Variants in CCDC148 observed in about 807,000 individuals in gnomAD.
CCDC148 encodes the protein coiled-coil domain-containing protein 148.
Under a neutral mutation model 85.7 loss-of-function variants are expected in CCDC148, and 89 were observed. That is an observed-to-expected ratio of 1.04 (90% CI 0.87 to 1.24). The LOEUF is 1.24. Among genes scored for constraint, CCDC148 ranks in the 50% most tolerant of loss-of-function variants. The pLI, the probability that CCDC148 is intolerant of heterozygous loss-of-function variation, is 0.00. For synonymous variants in CCDC148, 230 were observed against 213.9 expected (o/e 1.08, Z -0.66); for missense variants, 692 against 671.7 (o/e 1.03, Z -0.33).
At chr2:158,449,634 A>C (rs911629327) in intron 1 of CCDC148, among the ~76,000 whole-genome samples, 3 of 152,060 alleles carry the variant, frequency 2.0e-5, no homozygotes, top group African/African-American at 7.2e-5. Flanking sequence ...TTTTTAGTAG[A>C]GATGCCATTT....
rs1689331717 is a variant in CCDC148 at position 158,263,609 on chromosome 2, C to T, written c.1111-12697G>A. On this transcript the variant is annotated intron_variant, in intron 9 of 13. Coordinates refer to ENST00000283233, the MANE Select transcript of CCDC148 (RefSeq NM_138803.4). ...CCCTTTAAAAAGTTGAGACATCTTTCTGCTGAGCCTTAAGTTTAATTTTAA... is the reference window on the plus strand; with the variant it reads ...CCCTTTAAAAAGTTGAGACATCTTTTTGCTGAGCCTTAAGTTTAATTTTAA... Among the ~76,000 whole-genome samples, 3 of 152,128 alleles carry T rather than the reference C, an allele frequency of 2.0e-5. No individual in the cohort carries two copies. The South Asian group carries it at 6.2e-4, about 32-fold the overall frequency.
At chr2:158,342,753 G>A (rs1225042214) in intron 3 of CCDC148, among the ~76,000 whole-genome samples, 1 of 152,010 alleles carries the variant, frequency 6.6e-6, no homozygotes, top group Non-Finnish European at 1.5e-5. Flanking sequence ...GTTGCACTGA[G>A]TAGATTAATA....
At chr2:158,224,097 G>C (rs1224141375) in intron 10 of CCDC148, among the ~76,000 whole-genome samples, 2 of 152,156 alleles carry the variant, frequency 1.3e-5, no homozygotes, top group African/African-American at 4.8e-5. Context: ...TGGCTAACTA[G>C]AATAACCAAT....
intron 11 of CCDC148, among the ~76,000 whole-genome samples, chr2:158,208,269 G>C (rs1043662571): frequency 3.3e-5 from 5 of 152,146 alleles, no homozygotes; most frequent in African/African-American, 1.2e-4. Context: ...CAAATTTTTT[G>C]CTGTTTTAGG....
intron 11 of CCDC148, among the ~76,000 whole-genome samples, chr2:158,181,585 T>C (rs1684906552): frequency 6.6e-6 from 1 of 151,982 alleles, no homozygotes; most frequent in Admixed American, 6.6e-5. Flanking sequence ...GCAGTATCTA[T>C]AATAGGAGGA....
chr2:158,270,835 G>A (rs1689665950), intron 9 of CCDC148, among the ~76,000 whole-genome samples: 1 of 152,104 alleles, frequency 6.6e-6, no homozygotes, highest in African/African-American at 2.4e-5. Flanking sequence ...AGCACTCTTA[G>A]TATTTTCAAA....
intron 1 of CCDC148, among the ~76,000 whole-genome samples, chr2:158,412,836 T>C (rs1686323324): frequency 2.1e-5 from 2 of 95,388 alleles, no homozygotes; most frequent in South Asian, 6.1e-4. Context: ...TTTATTATTA[T>C]TATTATTATT....
intron 1 of CCDC148, among the ~76,000 whole-genome samples, chr2:158,365,616 T>A (rs1185159925): frequency 6.6e-6 from 1 of 151,658 alleles, no homozygotes; most frequent in Non-Finnish European, 1.5e-5. Flanking sequence ...TGAAAACACA[T>A]GGACACAGGG....
Position 158,309,522 on chromosome 2 carries a change from T to C in CCDC148, c.1021A>G (p.Thr341Ala), listed in dbSNP as rs1691868249. Residue 341 changes from threonine to alanine, a missense_variant, in exon 9 of 14, where the codon ACT (threonine) becomes GCT (alanine). Physicochemically the swap from Thr to Ala is moderately conservative, Grantham distance 58 (BLOSUM62 0). Transcript: ENST00000283233. ...DFIQKAVLTL[T>A]EACATHEMES... The stretch of plus-strand genomic sequence containing the variant: ...ATTTCATGTGTTGCACAAGCCTCAG[T>C]GAGTGTCAGCACAGCCTTCTGTATA... The C allele has an allele frequency of 1.9e-6, 3 of 1,614,128 alleles. No individual in the cohort carries two copies. Among genetic ancestry groups the C allele is most frequent in the Non-Finnish European group, 2.5e-6 (3 of 1,179,940 alleles).
At chr2:158,249,747 A>G (rs10209732) in intron 10 of CCDC148, among the ~76,000 whole-genome samples, 25,060 of 152,074 alleles carry the variant, frequency 0.16, 2,646 homozygotes, top group Middle Eastern at 0.25. Flanking sequence ...TTACCTCTAC[A>G]TATTCAACTT....
intron 9 of CCDC148, among the ~76,000 whole-genome samples, chr2:158,253,722 G>T (rs1688898643): frequency 6.6e-6 from 1 of 151,532 alleles, no homozygotes; most frequent in African/African-American, 2.4e-5. Context: ...ACACCACTTT[G>T]CAACAATTGC....
rs148114268 is a variant in CCDC148, at chr2:158,244,540, A to T, written c.1251+6232T>A. Among the ~76,000 whole-genome samples the T allele has an allele frequency of 8.6e-4, 131 of 152,162 alleles. 1 individual carries two copies. The highest frequency in any genetic ancestry group is 1.7e-3 in the Non-Finnish European group (115 of 68,004). On this transcript the variant is annotated intron_variant, in intron 10 of 13. Coordinates refer to ENST00000283233, the MANE Select transcript of CCDC148 (RefSeq NM_138803.4). The stretch of plus-strand genomic sequence containing the variant: ...TCCTTGCTGGCCATCAGCCCGGGCC[A>T]CCCTCATCTCCTTGAGGCCACCACA...
intron 1 of CCDC148, among the ~76,000 whole-genome samples, chr2:158,389,064 G>A (rs986077480): frequency 1.8e-4 from 27 of 151,948 alleles, no homozygotes; most frequent in Non-Finnish European, 7.4e-5. Context: ...ATAAATCCAC[G>A]GACACAAAAA....
intron 3 of CCDC148, among the ~76,000 whole-genome samples, 182 bp from the exon 4 acceptor site, chr2:158,340,862 G>C (rs565722305): frequency 1.3e-5 from 2 of 152,316 alleles, no homozygotes; most frequent in Admixed American, 1.3e-4. Context: ...TAGGCTCAGG[G>C]AGAAGAAACA....
At position 158,346,963 on chromosome 2, in the gene CCDC148, G is replaced by A. The variant is rs183884926; in HGVS notation, c.148-1645C>T. On this transcript the variant is annotated intron_variant, in intron 2 of 13. Transcript: ENST00000283233. ...TCAAAGTCAAATATTTTCCTAAGAA[G>A]GTAAGAGTGTTACAATTATAAAATT... Among the ~76,000 whole-genome samples, 481 of 152,176 alleles carry A rather than the reference G, an allele frequency of 3.2e-3. 1 individual carries two copies. The highest frequency in any genetic ancestry group is 5.4e-3 in the Non-Finnish European group (367 of 68,000).
intron 1 of CCDC148, among the ~76,000 whole-genome samples, chr2:158,439,361 G>C (rs1687828899): frequency 6.6e-6 from 1 of 152,072 alleles, no homozygotes; most frequent in Non-Finnish European, 1.5e-5. Flanking sequence ...TCATTCTCAG[G>C]AAACTATTGC....
intron 2 of CCDC148, among the ~76,000 whole-genome samples, chr2:158,349,519 T>C (rs1444804990): frequency 6.6e-6 from 1 of 151,932 alleles, no homozygotes. Flanking sequence ...GATTGTTTGG[T>C]ATCTTAGCAT....
At chr2:158,344,061 A>G (rs1276139560) in intron 3 of CCDC148, among the ~76,000 whole-genome samples, 1 of 152,090 alleles carries the variant, frequency 6.6e-6, no homozygotes. Flanking sequence ...AAAACAAAAA[A>G]CTTTACCAAG....
rs561266853 is a variant in CCDC148, at chr2:158,429,792, G to T, written c.25+26623C>A. ...CCATGTTTTCACAAATTGGATAACAGGCAAAACATGTCTGTGATCACTGAA... is the reference window on the plus strand; with the variant it reads ...CCATGTTTTCACAAATTGGATAACATGCAAAACATGTCTGTGATCACTGAA... On this transcript the variant is annotated intron_variant, in intron 1 of 13. Coordinates refer to ENST00000283233, the MANE Select transcript of CCDC148 (RefSeq NM_138803.4). 3.3e-5 allele frequency among the ~76,000 whole-genome samples: 5 copies of T among 152,246 alleles called. No homozygotes were observed. In the East Asian group the frequency reaches 9.7e-4, roughly 29 times the overall value.
Sources: gnomAD v4.1 joint callset for allele counts (sites outside exome capture counted in the v4.1 genomes callset) on GRCh38, gnomAD v4.1.1 for gene constraint, MANE v1.5 for transcripts, NCBI Gene and HGNC (gene_info 2026-07-23, HGNC 2026-07-21) for gene names.